PACS2: variants seen among roughly 807,000 people sequenced by gnomAD.
PACS2 encodes the protein PACS1-like protein.
Under a neutral mutation model 113.0 loss-of-function variants are expected in PACS2, and 36 were observed. That is an observed-to-expected ratio of 0.32 (90% CI 0.24 to 0.42). The LOEUF (loss-of-function observed/expected upper bound fraction) is 0.42. Among genes scored for constraint, PACS2 ranks in the 10% least tolerant of loss-of-function variants. The probability of loss-of-function intolerance (pLI) is 1.00; values close to 1 mark genes in which losing one functional copy is unlikely to be tolerated. For missense variants in PACS2, 1,015 were observed against 1,239.5 expected (o/e 0.82, Z 2.72); for synonymous variants, 589 against 536.1 (o/e 1.10, Z -1.36).
At chr14:105,344,937 G>C (rs1281121832) in intron 1 of PACS2, among the ~76,000 whole-genome samples, 2 of 151,708 alleles carry the variant, frequency 1.3e-5, no homozygotes, top group African/African-American at 4.9e-5. Context: ...GTGAAATCGT[G>C]TCTCCACCAA....
chr14:105,368,530 C>T lies in PACS2; in HGVS notation c.732C>T (p.Ser244=), dbSNP rs587729444. 130 of 1,613,340 alleles carry T rather than the reference C, an allele frequency of 8.1e-5. No homozygotes were observed. Among genetic ancestry groups the T allele is most frequent in the Non-Finnish European group, 1.1e-4 (126 of 1,179,324 alleles). The part of the protein sequence containing the change: ...KQRRSIVRTT[S]MTRQQNFKQK... Reference sequence around the variant, plus strand: ...GGAGATCGATTGTAAGAACGACGTCCATGACCAGGGTTGGTGGAGACTGCT... The same window carrying T: ...GGAGATCGATTGTAAGAACGACGTCTATGACCAGGGTTGGTGGAGACTGCT... The change falls in exon 7 of 25, where the codon TCC becomes TCT. Residue 244 remains serine, a synonymous_variant. Transcript: ENST00000447393.
Position 105,358,122 on chromosome 14 carries a change from C to T in PACS2, c.423+2945C>T, listed in dbSNP as rs1555405677. The stretch of plus-strand genomic sequence containing the variant: ...GCCCCTGCCACACCATAGCTCTGCC[C>T]TCACCTGGCACTCATTCTGTGTGAG... On this transcript the variant is annotated intron_variant, in intron 4 of 24. Transcript: ENST00000447393. The surrounding 1 kb of genome is among the most constrained non-coding windows in gnomAD (Gnocchi z 4.9). 1.3e-5 allele frequency among the ~76,000 whole-genome samples: 2 copies of T among 152,230 alleles called. No individual in the cohort carries two copies. The highest frequency in any genetic ancestry group is 4.8e-5 in the African/African-American group (2 of 41,462).
At position 105,382,025 on chromosome 14, in the gene PACS2, G is replaced by A. The variant is rs368995347; in HGVS notation, c.1380G>A (p.Pro460=). The change falls in exon 13 of 25, where the codon CCG becomes CCA. Residue 460 remains proline, a synonymous_variant. Coordinates refer to ENST00000447393, the MANE Select transcript of PACS2 (RefSeq NM_001100913.3). ...ACAGCCTGGACAACGAGCGCTGCCC[G>A]GACGCCCGGAGCCAGCTACAGGTGC... ...RANSLDNERC[P]DARSQLQVQL... The A allele has an allele frequency of 4.9e-5, 76 of 1,549,356 alleles. No homozygotes were observed. The African/African-American group carries it at 6.4e-4, about 13-fold the overall frequency.
chr14:105,302,193 T>C (rs1595507938), intron 1 of PACS2, among the ~76,000 whole-genome samples: 1 of 151,314 alleles, frequency 6.6e-6, no homozygotes, highest in African/African-American at 2.4e-5. Flanking sequence ...CCCACCCTCT[T>C]TTTTTTCTTT....
chr14:105,353,280 G>A (rs376515144), intron 3 of PACS2, among the ~76,000 whole-genome samples: 3 of 125,462 alleles, frequency 2.4e-5, no homozygotes, highest in African/African-American at 6.4e-5. Context: ...CTGGGGTGAC[G>A]GGCCCCCCCA....
chr14:105,313,294 C>T (rs140324261), upstream of PACS2, among the ~76,000 whole-genome samples: 1 of 152,248 alleles, frequency 6.6e-6, no homozygotes, highest in Non-Finnish European at 1.5e-5. Flanking sequence ...CACAGACAGC[C>T]TGTCCTCCTG....
intron 11 of PACS2, 48 bp downstream of exon 11, chr14:105,380,202 C>A: frequency 6.9e-7 from 1 of 1,458,396 alleles, no homozygotes; most frequent in Non-Finnish European, 9.4e-7. Context: ...TCAGGCACAC[C>A]AATGCTGCCT....
At chr14:105,382,416 G>A in intron 13 of PACS2, 61 bp from the exon 14 acceptor site, 1 of 981,114 alleles carries the variant, frequency 1.0e-6, no homozygotes, top group Non-Finnish European at 1.6e-6. Context: ...ACCAGGGCTG[G>A]CGTGGTGGGG....
At chr14:105,333,586 C>T (rs1277351833) in intron 1 of PACS2, among the ~76,000 whole-genome samples, 3 of 152,226 alleles carry the variant, frequency 2.0e-5, no homozygotes, top group Admixed American at 2.0e-4. Context: ...ACCCGTTGGG[C>T]TTGCGGTGGC....
At chr14:105,349,794 C>T (rs1171095107) in intron 2 of PACS2, among the ~76,000 whole-genome samples, 7 of 152,246 alleles carry the variant, frequency 4.6e-5, no homozygotes, top group Admixed American at 3.9e-4. Context: ...CAGGAACTTC[C>T]AGGAGCGTGT....
chr14:105,334,834 C>G (rs1403576901), intron 1 of PACS2, among the ~76,000 whole-genome samples: 1 of 152,274 alleles, frequency 6.6e-6, no homozygotes, highest in Non-Finnish European at 1.5e-5. Context: ...GGAGCTGTGG[C>G]ATCTTTTCCC....
In PACS2 at chr14:105,335,092, G is replaced by A. The variant is rs183328948; in HGVS notation, c.120-13401G>A. ...AGGTCTGAGGACAGGGCCTCCTGATGACTGGACCCAGCCTGGACAATGGCC... is the reference window on the plus strand; with the variant it reads ...AGGTCTGAGGACAGGGCCTCCTGATAACTGGACCCAGCCTGGACAATGGCC... On this transcript the variant is annotated intron_variant, in intron 1 of 24. Transcript: ENST00000447393. Among the ~76,000 whole-genome samples the A allele has an allele frequency of 4.6e-3, 698 of 152,368 alleles. 9 individuals carry two copies. The highest frequency in any genetic ancestry group is 0.015 in the African/African-American group (638 of 41,588).
At chr14:105,373,432 A>G (rs1318684216) in intron 8 of PACS2, among the ~76,000 whole-genome samples, 1 of 152,216 alleles carries the variant, frequency 6.6e-6, no homozygotes, top group Non-Finnish European at 1.5e-5. Context: ...TGGGCAAGTG[A>G]TGGTCAACAA....
rs1595211926 is a variant in PACS2, at chr14:105,397,844, T to A, written c.*3172T>A. The A allele has an allele frequency of 6.6e-6, 1 of 152,028 alleles. No homozygotes were observed. Among genetic ancestry groups the A allele is most frequent in the Non-Finnish European group, 1.5e-5 (1 of 68,022 alleles). The allele number at this position is 152,028 out of a possible 1,614,324, so 9.4% of individuals were successfully genotyped here. A position where few individuals can be genotyped will look rare whatever the true frequency, so the allele number is the denominator to read the frequency against. ...TTCTTCCGAGGGCCAGGCCGCCCCC[T>A]CCCCGAGACCTGTCCTGCCGTCCGC... On this transcript the variant is annotated 3_prime_UTR_variant, in exon 25 of 25. Coordinates refer to ENST00000447393, the MANE Select transcript of PACS2 (RefSeq NM_001100913.3).
intron 1 of PACS2, among the ~76,000 whole-genome samples, chr14:105,318,695 G>A (rs1231631807): frequency 6.7e-6 from 1 of 149,944 alleles, no homozygotes; most frequent in East Asian, 2.0e-4. Context: ...GTCTCGCTCT[G>A]TCACCCAGGC....
intron 2 of PACS2, among the ~76,000 whole-genome samples, chr14:105,351,953 C>T (rs1437618812): frequency 6.6e-6 from 1 of 152,224 alleles, no homozygotes; most frequent in Non-Finnish European, 1.5e-5. Flanking sequence ...AGCCCGGGAG[C>T]TCAAGTCCAG....
At chr14:105,383,956 G>A (rs1414716123) in intron 16 of PACS2, 8 of 284,180 alleles carry the variant, frequency 2.8e-5, no homozygotes, top group Admixed American at 5.0e-5. Flanking sequence ...AGGTCCATAC[G>A]ATGTGTCTTA....
intron 24 of PACS2, among the ~76,000 whole-genome samples, chr14:105,394,056 A>AAAAAG (rs1273855602): frequency 5.5e-5 from 8 of 144,694 alleles, no homozygotes; most frequent in African/African-American, 1.8e-4. Flanking sequence ...AAAAAAAAAA[A>AAAAAG]GGGGTTTTGG....
chr14:105,371,446 C>T (rs782343911), intron 8 of PACS2: 3 of 152,224 alleles, frequency 2.0e-5, no homozygotes, highest in Non-Finnish European at 4.4e-5. Flanking sequence ...AAAGATGGGC[C>T]AACGTCACAG....
Sources: allele counts gnomAD v4.1 joint callset (sites outside exome capture counted in the v4.1 genomes callset), GRCh38; gene constraint gnomAD v4.1.1; non-coding constraint Gnocchi (gnomAD v3.1); transcripts MANE v1.5; gene names NCBI Gene and HGNC (gene_info 2026-07-23, HGNC 2026-07-21).